Variants in DOCK2 observed in about 807,000 individuals in gnomAD.
The protein encoded by DOCK2 is dedicator of cytokinesis protein 2.
A neutral mutation model predicts 248.9 loss-of-function variants in DOCK2; 87 were observed. The ratio of observed to expected loss-of-function variants is 0.35; its 90% confidence interval spans 0.29 to 0.42. DOCK2 has a LOEUF of 0.42. Ranked by LOEUF, DOCK2 falls within the 10% of genes least tolerant of loss-of-function variation. The pLI, the probability that DOCK2 is intolerant of heterozygous loss-of-function variation, is 1.00. For synonymous variants in DOCK2, 805 were observed against 821.6 expected, an observed-to-expected ratio of 0.98 and a Z score of 0.35; for missense variants, 1,747 against 2,300.2, an observed-to-expected ratio of 0.76 and a Z score of 4.92.
At chr5:170,040,952 AC>A in intron 36 of DOCK2, 102 bp from the exon 37 acceptor site, 1 of 1,010,930 alleles carries the variant, frequency 9.9e-7, no homozygotes. Context: ...CTTTCTTGCG[AC>A]CCAGAGAGGT....
At chr5:169,684,962 A>T (rs1164257103) in intron 8 of DOCK2, among the ~76,000 whole-genome samples, 1 of 152,202 alleles carries the variant, frequency 6.6e-6, no homozygotes, top group African/African-American at 2.4e-5. Flanking sequence ...ATCTACTTTC[A>T]AAATAGGAGC....
chr5:169,697,166 A>G (rs966312467), intron 10 of DOCK2, among the ~76,000 whole-genome samples: 1 of 152,194 alleles, frequency 6.6e-6, no homozygotes, highest in African/African-American at 2.4e-5. Flanking sequence ...GGTGTAACTG[A>G]AGAGCTTATG....
intron 44 of DOCK2, among the ~76,000 whole-genome samples, chr5:170,064,348 G>C (rs1757424236): frequency 6.6e-6 from 1 of 152,118 alleles, no homozygotes; most frequent in Non-Finnish European, 1.5e-5. Flanking sequence ...TAATGCTCAT[G>C]AAGATGCTCA....
intron 26 of DOCK2, among the ~76,000 whole-genome samples, chr5:169,840,013 G>C (rs537730984): frequency 2.0e-5 from 3 of 152,256 alleles, no homozygotes; most frequent in East Asian, 3.9e-4. Context: ...TAACTGTATT[G>C]GTCTGTTCTT....
intron 27 of DOCK2, among the ~76,000 whole-genome samples, chr5:169,967,207 A>G (rs1262968136): frequency 6.6e-6 from 1 of 152,224 alleles, no homozygotes; most frequent in Non-Finnish European, 1.5e-5. Context: ...GCACAGGGAC[A>G]TGAGAACTCA....
At chr5:169,910,082 G>T (rs1039095080) in intron 27 of DOCK2, among the ~76,000 whole-genome samples, 2 of 152,120 alleles carry the variant, frequency 1.3e-5, no homozygotes, top group Admixed American at 6.5e-5. Context: ...TGGCACCAAA[G>T]CCAGGCTTAT....
chr5:170,081,961 G>A lies in DOCK2; in HGVS notation c.5407G>A (p.Val1803Ile). ...CAAGAAGACACTCACACGGAAGAAG[G>A]TCAATCAGTTCTTCAAGACAATGGT... is the stretch of plus-strand genomic sequence containing the variant. The part of the protein sequence containing the change: ...GDKKTLTRKK[V>I]NQFFKTMLAS... The change falls in exon 51 of 52, where the codon GTC becomes ATC. Residue 1803 changes from valine to isoleucine, a missense_variant. This residue lies in a region of DOCK2 where 513 missense variants were observed against 586.1 expected (regional missense o/e 0.88). Coordinates refer to ENST00000520908, the MANE Select transcript of DOCK2 (RefSeq NM_004946.3). 1 of 1,614,132 alleles carries A rather than the reference G, an allele frequency of 6.2e-7. No homozygotes were observed.
chr5:169,986,776 T>G (rs1411331246), intron 29 of DOCK2, among the ~76,000 whole-genome samples: 2 of 152,244 alleles, frequency 1.3e-5, no homozygotes, highest in Non-Finnish European at 2.9e-5. Context: ...GCTTATTTTA[T>G]TTGTTTTAAA....
chr5:169,802,360 C>T (rs116167131), intron 25 of DOCK2, among the ~76,000 whole-genome samples: 1,658 of 152,230 alleles, frequency 0.011, 28 homozygotes, highest in African/African-American at 0.038. Flanking sequence ...CAGGTTTTCG[C>T]CACGTTGGCC....
intron 14 of DOCK2, among the ~76,000 whole-genome samples, chr5:169,705,019 G>C (rs904502148): frequency 2.6e-5 from 4 of 152,030 alleles, no homozygotes; most frequent in African/African-American, 9.7e-5. Flanking sequence ...AAAATTAGCT[G>C]AGTGTGGTGG....
At position 169,774,889 on chromosome 5, in the gene DOCK2, G is replaced by GTTT. The variant is rs1332197207; in HGVS notation, c.2554+13268_2554+13270dup. Among the ~76,000 whole-genome samples the GTTT allele has an allele frequency of 4.0e-4, 54 of 134,636 alleles. 1 individual carries two copies. Among genetic ancestry groups the GTTT allele is most frequent in the African/African-American group, 1.6e-3 (50 of 32,180 alleles). The allele number at this position is 134,636 out of a possible 152,430, so 88.3% of individuals were successfully genotyped here. ...GTTAGTCATCCATATCCCCATGACT[G>GTTT]TTTTTTGTTGTTGTTGTTGTTGTTG... is the stretch of plus-strand genomic sequence containing the variant. On this transcript the variant is annotated intron_variant, in intron 25 of 51. Transcript: ENST00000520908.
Position 170,027,924 on chromosome 5 carries a change from A to G in DOCK2, c.3443A>G (p.Gln1148Arg). ...HEVEGGRGDE[Q>R]YMQLLESILM... is the part of the protein sequence containing the mutation. ...GTAGAAGGGGGCCGAGGCGACGAGC[A>G]GTACATGCAGCTCCTGGAGTCAATG... is the stretch of plus-strand genomic sequence containing the variant. Residue 1148 changes from glutamine to arginine, a missense_variant, in exon 34 of 52, where the codon CAG (glutamine) becomes CGG (arginine). By Grantham distance (43) the Gln-to-Arg change is conservative (BLOSUM62 1). Transcript: ENST00000520908. 1 of 1,613,554 alleles carries G rather than the reference A, an allele frequency of 6.2e-7. No homozygotes were observed. The highest frequency in any genetic ancestry group is 1.1e-5 in the South Asian group (1 of 90,996).
At chr5:169,994,709 A>C (rs954519737) in intron 29 of DOCK2, among the ~76,000 whole-genome samples, 1 of 152,230 alleles carries the variant, frequency 6.6e-6, no homozygotes, top group Non-Finnish European at 1.5e-5. Context: ...TACCAGAAAC[A>C]CAGGGTACTA....
intron 2 of DOCK2, 138 bp downstream of exon 2, chr5:169,654,624 GAAT>G: frequency 1.3e-6 from 1 of 769,562 alleles, no homozygotes; most frequent in Non-Finnish European, 2.1e-6. Flanking sequence ...CTAGTAATTA[GAAT>G]TTACTAAACA....
chr5:169,984,561 T>C (rs73327863), intron 28 of DOCK2, among the ~76,000 whole-genome samples: 3,687 of 152,306 alleles, frequency 0.024, 171 homozygotes, highest in African/African-American at 0.082. Context: ...AAGGAACAAA[T>C]GTCATTTCCA....
intron 27 of DOCK2, among the ~76,000 whole-genome samples, chr5:169,953,520 T>C (rs1251076690): frequency 2.6e-5 from 4 of 152,198 alleles, no homozygotes; most frequent in Admixed American, 1.3e-4. Context: ...AAGTCCTGTA[T>C]AAAATGCTGA....
At chr5:169,776,837 GATT>G in intron 25 of DOCK2, among the ~76,000 whole-genome samples, 1 of 152,316 alleles carries the variant, frequency 6.6e-6, no homozygotes, top group African/African-American at 2.4e-5. Flanking sequence ...CTTCCGCCAT[GATT>G]GTAAGTTTTC....
intron 27 of DOCK2, among the ~76,000 whole-genome samples, chr5:169,899,454 C>A (rs980053851): frequency 1.4e-4 from 21 of 152,316 alleles, no homozygotes; most frequent in African/African-American, 4.8e-4. Context: ...TCAGCACCAG[C>A]ATCAATGATT....
intron 11 of DOCK2, among the ~76,000 whole-genome samples, chr5:169,699,089 T>TCAAGTCTTTGCC (rs3841609): frequency 1.3e-5 from 2 of 151,984 alleles, no homozygotes; most frequent in African/African-American, 4.8e-5. Flanking sequence ...CAGGAGCAAC[T>TCAAGTCTTTGCC]CTTGCTAAGC....
Sources: gnomAD v4.1 joint callset for allele counts (sites outside exome capture counted in the v4.1 genomes callset) on GRCh38, gnomAD v4.1.1 for gene constraint, gnomAD v4.1.1 regional missense constraint, MANE v1.5 for transcripts, NCBI Gene and HGNC (gene_info 2026-07-23, HGNC 2026-07-21) for gene names.